Variants in HSD17B2 observed in about 807,000 individuals in gnomAD.
The protein encoded by HSD17B2 is hydroxysteroid 17-beta dehydrogenase 2.
Under a neutral mutation model 26.9 loss-of-function variants are expected in HSD17B2, and 32 were observed. The observed-to-expected ratio is 1.19, with a 90% CI of 0.90 to 1.60. The LOEUF is 1.60. Ranked by LOEUF, HSD17B2 falls within the 40% of genes most tolerant of loss-of-function variation. The probability of loss-of-function intolerance (pLI) is 0.00; values close to 1 mark genes in which losing one functional copy is unlikely to be tolerated. For missense variants in HSD17B2, 613 were observed against 468.6 expected (o/e 1.31, Z -2.85); for synonymous variants, 246 against 186.7 (o/e 1.32, Z -2.59).
intron 3 of HSD17B2, among the ~76,000 whole-genome samples, chr16:82,081,101 C>T (rs909770167): frequency 6.6e-6 from 1 of 152,132 alleles, no homozygotes; most frequent in Non-Finnish European, 1.5e-5. Context: ...ACGTTCATAT[C>T]ACATCCATCT....
intron 1 of HSD17B2, among the ~76,000 whole-genome samples, chr16:82,051,523 A>C (rs1914105533): frequency 6.6e-6 from 1 of 151,970 alleles, no homozygotes; most frequent in Non-Finnish European, 1.5e-5. Context: ...CTATGAGAAC[A>C]TAGGGACACA....
intron 4 of HSD17B2, chr16:82,097,331 T>C (rs1273596562): frequency 2.8e-5 from 4 of 144,704 alleles, no homozygotes; most frequent in African/African-American, 7.8e-5. Flanking sequence ...TGTATATATA[T>C]ATACACATTA....
chr16:82,038,724 T>C (rs190716319), intron 1 of HSD17B2, among the ~76,000 whole-genome samples: 77 of 152,202 alleles, frequency 5.1e-4, no homozygotes, highest in African/African-American at 1.5e-3. Flanking sequence ...TCTGTGAGGA[T>C]TTGTGGGAAA....
At chr16:82,043,210 G>A (rs978328359) in intron 1 of HSD17B2, among the ~76,000 whole-genome samples, 1 of 152,186 alleles carries the variant, frequency 6.6e-6, no homozygotes, top group Admixed American at 6.5e-5. Flanking sequence ...GAGCTTTGAG[G>A]CTTCCATGTT....
Position 82,098,212 on chromosome 16 carries a change from G to T in HSD17B2, c.940G>T (p.Ala314Ser), listed in dbSNP as rs1337543860. 6 of 1,614,154 alleles carry T rather than the reference G, an allele frequency of 3.7e-6. No homozygotes were observed. Among genetic ancestry groups the T allele is most frequent in the East Asian group, 2.2e-5 (1 of 44,872 alleles). ...TTTCCTCCTATTGATCAACTCGTTA[G>T]CCAGCAAGGACTTCTCTCCGGTGCT... ...RNFLLLINSL[A>S]SKDFSPVLRD... Residue 314 changes from alanine to serine, a missense_variant, in exon 5 of 5, where the codon GCC (alanine) becomes TCC (serine). Coordinates refer to ENST00000199936, the MANE Select transcript of HSD17B2 (RefSeq NM_002153.3).
chr16:82,074,341 G>T (rs1309197722), intron 3 of HSD17B2, among the ~76,000 whole-genome samples: 1 of 152,132 alleles, frequency 6.6e-6, no homozygotes, highest in Non-Finnish European at 1.5e-5. Context: ...CTCTAGAAAT[G>T]AGTTTATTTG....
At chr16:82,060,579 T>G (rs1473438070) in intron 1 of HSD17B2, among the ~76,000 whole-genome samples, 2 of 152,226 alleles carry the variant, frequency 1.3e-5, no homozygotes, top group East Asian at 1.9e-4. Context: ...TTTTGCAAAA[T>G]TCATTGTGTG....
chr16:82,048,447 T>G lies in HSD17B2; in HGVS notation c.265+12758T>G, dbSNP rs8191083. 9.2e-3 allele frequency among the ~76,000 whole-genome samples: 1,404 copies of G among 152,240 alleles called. 15 individuals carry two copies. The highest frequency in any genetic ancestry group is 0.032 in the African/African-American group (1,342 of 41,526). On this transcript the variant is annotated intron_variant, in intron 1 of 4. Transcript: ENST00000199936. ...GTGCAAAGGCAGCAAGGAGATGATG[T>G]TAGTGAGCAACTCTGAAAATTTGAG...
At chr16:82,071,526 T>A (rs573969456) in intron 3 of HSD17B2, 15 of 315,730 alleles carry the variant, frequency 4.8e-5, no homozygotes, top group South Asian at 3.7e-4. Flanking sequence ...GAGTAGGCAA[T>A]ACCTTCCCTC....
chr16:82,035,670 G>A lies in HSD17B2; in HGVS notation c.246G>A (p.Gln82=). 6.2e-7 allele frequency: 1 copy of A among 1,613,896 alleles called. No individual in the cohort carries two copies. The highest frequency in any genetic ancestry group is 8.5e-7 in the Non-Finnish European group (1 of 1,179,982). Residue 82 remains glutamine, a synonymous_variant, in exon 1 of 5, where the codon CAG becomes CAA. Coordinates refer to ENST00000199936, the MANE Select transcript of HSD17B2 (RefSeq NM_002153.3). ...LSGQELLPVD[Q]KAVLVTGGDC... is the part of the protein sequence containing the mutation. Reference sequence around the variant, plus strand: ...GCCAAGAATTGTTACCTGTGGATCAGAAGGCAGTCCTGGTGACAGGTAAGC... The same window carrying A: ...GCCAAGAATTGTTACCTGTGGATCAAAAGGCAGTCCTGGTGACAGGTAAGC...
chr16:82,058,235 T>A (rs1056917318), intron 1 of HSD17B2, among the ~76,000 whole-genome samples: 5 of 152,110 alleles, frequency 3.3e-5, no homozygotes, highest in African/African-American at 1.2e-4. Flanking sequence ...CACACCTGGC[T>A]AATTTTTAAA....
In HSD17B2 at chr16:82,071,001, C is replaced by T. The variant is rs1567587332; in HGVS notation, c.538C>T (p.Leu180Phe). The change falls in exon 3 of 5, where the codon CTT becomes TTT. Residue 180 changes from leucine to phenylalanine, a missense_variant. By Grantham distance (22) the Leu-to-Phe change is conservative. Coordinates refer to ENST00000199936, the MANE Select transcript of HSD17B2 (RefSeq NM_002153.3). ...VLGFPTDGEL[L>F]LMTDYKQCMA... is the part of the protein sequence containing the mutation. ...TGGCTTTCCAACTGATGGGGAGCTTCTTCTTATGACTGACTACAAACAATG... is the reference window on the plus strand; with the variant it reads ...TGGCTTTCCAACTGATGGGGAGCTTTTTCTTATGACTGACTACAAACAATG... 6.2e-7 allele frequency: 1 copy of T among 1,614,196 alleles called. No homozygotes were observed. Among genetic ancestry groups the T allele is most frequent in the Non-Finnish European group, 8.5e-7 (1 of 1,180,028 alleles).
intron 3 of HSD17B2, among the ~76,000 whole-genome samples, chr16:82,086,221 C>A (rs1350322856): frequency 2.0e-5 from 3 of 152,110 alleles, no homozygotes; most frequent in Non-Finnish European, 4.4e-5. Flanking sequence ...AAGGTAGAAA[C>A]AACTTAAGAA....
intron 4 of HSD17B2, chr16:82,092,728 A>G (rs563710490): frequency 2.0e-5 from 3 of 152,252 alleles, no homozygotes; most frequent in Non-Finnish European, 4.4e-5. Flanking sequence ...CTGGGTTGGG[A>G]GGAGAATTGA....
intron 2 of HSD17B2, 32 bp downstream of exon 2, chr16:82,068,414 C>G: frequency 1.2e-5 from 19 of 1,556,442 alleles, no homozygotes; most frequent in Non-Finnish European, 1.5e-5. Context: ...GTGCCTTTAC[C>G]CTCCTCCTGA....
intron 2 of HSD17B2, among the ~76,000 whole-genome samples, chr16:82,070,316 G>A (rs1337027914): frequency 6.6e-6 from 1 of 152,034 alleles, no homozygotes; most frequent in Admixed American, 6.6e-5. Context: ...CCACCTCCTG[G>A]ATAGTTACCC....
chr16:82,095,692 G>C (rs1353662416), intron 4 of HSD17B2: 1 of 152,206 alleles, frequency 6.6e-6, no homozygotes, highest in Non-Finnish European at 1.5e-5. Flanking sequence ...ATTGGATAGG[G>C]AAGTGATTGG....
chr16:82,066,595 C>G lies in HSD17B2; in HGVS notation c.266-1575C>G, dbSNP rs529553586. ...TACAAGATAAGGTCCACCCTCCATT[C>G]TGCCTGTCCTCCTAAGGAAAACTTA... On this transcript the variant is annotated intron_variant, in intron 1 of 4. Transcript: ENST00000199936. 3.9e-5 allele frequency among the ~76,000 whole-genome samples: 6 copies of G among 152,326 alleles called. No homozygotes were observed. The South Asian group carries it at 1.2e-3, about 32-fold the overall frequency.
chr16:82,090,443 T>C (rs899361795), intron 3 of HSD17B2, among the ~76,000 whole-genome samples: 4 of 148,782 alleles, frequency 2.7e-5, no homozygotes, highest in Non-Finnish European at 5.9e-5. Context: ...CTCAGCCTCA[T>C]GAGTAGCTGG....
Sources: allele counts gnomAD v4.1 joint callset (sites outside exome capture counted in the v4.1 genomes callset), GRCh38; gene constraint gnomAD v4.1.1; transcripts MANE v1.5; gene names NCBI Gene and HGNC (gene_info 2026-07-23, HGNC 2026-07-21).